The following KLHDC10 variants were observed in gnomAD, a reference collection of about 807,000 sequenced individuals.
The protein encoded by KLHDC10 is kelch domain containing 10.
KLHDC10 carries 24 observed loss-of-function variants against 56.1 expected under a neutral mutation model. The ratio of observed to expected loss-of-function variants is 0.43; its 90% confidence interval spans 0.31 to 0.60. KLHDC10 has a LOEUF of 0.60. Among genes scored for constraint, KLHDC10 ranks in the 20% least tolerant of loss-of-function variants. The pLI, the probability that KLHDC10 is intolerant of heterozygous loss-of-function variation, is 0.11. For synonymous variants in KLHDC10, 188 were observed against 207.1 expected (o/e 0.91, Z 0.79); for missense variants, 349 against 567.0 (o/e 0.62, Z 3.91).
intron 2 of KLHDC10, among the ~76,000 whole-genome samples, chr7:130,114,906 C>A (rs1398144432): frequency 1.3e-5 from 2 of 151,888 alleles, no homozygotes; most frequent in African/African-American, 4.8e-5. Context: ...GACAGTAGGA[C>A]AAGGTTAGTA....
At chr7:130,111,245 C>T (rs4236628) in intron 2 of KLHDC10, among the ~76,000 whole-genome samples, 20,433 of 151,878 alleles carry the variant, frequency 0.13, 1,571 homozygotes, top group East Asian at 0.31. Context: ...TGAAATTATT[C>T]GAAACAAATG....
chr7:130,116,567 C>T lies in KLHDC10; in HGVS notation c.376C>T (p.Pro126Ser). Residue 126 changes from proline to serine, a missense_variant, in exon 3 of 10, where the codon CCT (proline) becomes TCT (serine). Physicochemically the swap from Pro to Ser is moderately conservative, Grantham distance 74 (BLOSUM62 -1). Transcript: ENST00000335420. The surrounding 1 kb of genome is among the most constrained non-coding windows in gnomAD (Gnocchi z 4.8). ...GGGAGGGCCTGATAATGAAGACTAT[C>T]CTCTCTTCAGGGAACTCTGGAGGTA... ...ESGGPDNEDY[P>S]LFRELWRYHF... 2 of 1,613,756 alleles carry T rather than the reference C, an allele frequency of 1.2e-6. No individual in the cohort carries two copies. The highest frequency in any genetic ancestry group is 1.7e-6 in the Non-Finnish European group (2 of 1,179,688).
rs140733772 is a variant in KLHDC10, at chr7:130,085,088, G to A, written c.167-11833G>A. ...TAGCCAGGTGCGGTGGCTCATGCCT[G>A]TAATCCCAGCACTTTGGGAGGCCGA... On this transcript the variant is annotated intron_variant, in intron 1 of 9. Transcript: ENST00000335420. Among the ~76,000 whole-genome samples, 964 of 152,218 alleles carry A rather than the reference G, an allele frequency of 6.3e-3. 6 individuals carry two copies. Among genetic ancestry groups the A allele is most frequent in the Middle Eastern group, 0.024 (7 of 294 alleles).
intron 1 of KLHDC10, among the ~76,000 whole-genome samples, chr7:130,090,728 C>T (rs1795759663): frequency 6.6e-6 from 1 of 151,804 alleles, no homozygotes; most frequent in Non-Finnish European, 1.5e-5. Context: ...TGATACAATC[C>T]AGTGACCTTA....
At chr7:130,121,961 T>C in intron 4 of KLHDC10, 93 bp from the exon 5 acceptor site, 1 of 1,087,740 alleles carries the variant, frequency 9.2e-7, no homozygotes, top group Non-Finnish European at 1.3e-6. Context: ...ACAAGAGAAT[T>C]TCATAAAACC....
chr7:130,122,076 C>G lies in KLHDC10; in HGVS notation c.653C>G (p.Ser218Cys), dbSNP rs1441216419. Reference protein sequence around the residue: ...YGQAMAIINGSLYVFGGTTGY... With the variant: ...YGQAMAIINGCLYVFGGTTGY... The stretch of plus-strand genomic sequence containing the variant: ...CAGGCTATGGCCATCATCAATGGCT[C>G]CCTTTATGTCTTTGGAGGTACAACC... The change falls in exon 5 of 10, where the codon TCC becomes TGC. Residue 218 changes from serine to cysteine, a missense_variant. Around this residue, in one of 2 missense-constraint regions of KLHDC10, gnomAD observed 245 missense variants for 470.1 expected, o/e 0.52. Coordinates refer to ENST00000335420, the MANE Select transcript of KLHDC10 (RefSeq NM_014997.4). 7.4e-6 allele frequency: 12 copies of G among 1,613,496 alleles called. No homozygotes were observed. Among genetic ancestry groups the G allele is most frequent in the Non-Finnish European group, 1.0e-5 (12 of 1,179,808 alleles).
chr7:130,106,047 A>G (rs1796003112), intron 2 of KLHDC10, among the ~76,000 whole-genome samples: 1 of 151,944 alleles, frequency 6.6e-6, no homozygotes, highest in Non-Finnish European at 1.5e-5. Flanking sequence ...TACTCGGGAG[A>G]CTGAGACAGG....
chr7:130,088,627 C>G (rs1486619196), intron 1 of KLHDC10, among the ~76,000 whole-genome samples: 3 of 149,210 alleles, frequency 2.0e-5, no homozygotes, highest in Non-Finnish European at 3.0e-5. Context: ...TTTTGTTTTT[C>G]TTTTTCTTTC....
intron 2 of KLHDC10, among the ~76,000 whole-genome samples, chr7:130,112,412 A>G (rs542008560): frequency 6.6e-6 from 1 of 152,326 alleles, no homozygotes; most frequent in Non-Finnish European, 1.5e-5. Flanking sequence ...CTGTGAATAC[A>G]GGTTCTGTTT....
At position 130,127,432 on chromosome 7, in the gene KLHDC10, T is replaced by C. The variant is rs1461152285; in HGVS notation, c.960T>C (p.Ser320=). 1.2e-6 allele frequency: 2 copies of C among 1,612,864 alleles called. No homozygotes were observed. The highest frequency in any genetic ancestry group is 2.7e-5 in the African/African-American group (2 of 74,932). ...IGFPAARRCH[S]CVQIKNDVFI... is the part of the protein sequence containing the mutation. ...TTCCTGCAGCCCGAAGGTGTCACAG[T>C]TGTGTTCAAATAAAAAATGGTAAGG... Residue 320 remains serine, a synonymous_variant, in exon 8 of 10, where the codon AGT becomes AGC. Coordinates refer to ENST00000335420, the MANE Select transcript of KLHDC10 (RefSeq NM_014997.4).
intron 2 of KLHDC10, among the ~76,000 whole-genome samples, chr7:130,102,781 G>A (rs1210026797): frequency 6.6e-6 from 1 of 151,996 alleles, no homozygotes; most frequent in Non-Finnish European, 1.5e-5. Context: ...AGATGAGATC[G>A]CGCCATTGCA....
rs1273794749 is a variant in KLHDC10 at position 130,130,055 on chromosome 7, G to C, written c.1119+479G>C. ...ATATAGGCCGGGCGCGGTGGCTCAG[G>C]CCTGTAATCCCAGCACTTTGGGAGG... On this transcript the variant is annotated intron_variant, in intron 9 of 9. Coordinates refer to ENST00000335420, the MANE Select transcript of KLHDC10 (RefSeq NM_014997.4). The surrounding 1 kb of genome is among the most constrained non-coding windows in gnomAD (Gnocchi z 4.2). Among the ~76,000 whole-genome samples the C allele has an allele frequency of 6.6e-6, 1 of 152,004 alleles. No homozygotes were observed. The highest frequency in any genetic ancestry group is 1.9e-4 in the East Asian group (1 of 5,188).
intron 2 of KLHDC10, among the ~76,000 whole-genome samples, chr7:130,112,334 G>T (rs952940747): frequency 3.3e-5 from 5 of 152,178 alleles, no homozygotes; most frequent in Admixed American, 2.0e-4. Context: ...TGGAAGAGAG[G>T]ATGGGTCCCA....
intron 1 of KLHDC10, among the ~76,000 whole-genome samples, chr7:130,088,562 C>T (rs1203404231): frequency 6.6e-6 from 1 of 151,884 alleles, no homozygotes; most frequent in Non-Finnish European, 1.5e-5. Flanking sequence ...AGGCCTGAGC[C>T]ACCAGTCCCG....
At position 130,079,066 on chromosome 7, in the gene KLHDC10, G is replaced by GT. The variant is rs537032188; in HGVS notation, c.166+8266dup. 7.2e-3 allele frequency among the ~76,000 whole-genome samples: 1,082 copies of GT among 149,788 alleles called. 7 individuals are homozygous for GT. The highest frequency in any genetic ancestry group is 0.024 in the Middle Eastern group (7 of 290). ...TTGTTTTGTTTTGTTTTTGTTTTTT[G>GT]TTTTTTTTTGAGGCAGAGTCTCACT... On this transcript the variant is annotated intron_variant, in intron 1 of 9. Coordinates refer to ENST00000335420, the MANE Select transcript of KLHDC10 (RefSeq NM_014997.4).
chr7:130,101,543 A>G (rs1038324021), intron 2 of KLHDC10, among the ~76,000 whole-genome samples: 1 of 151,988 alleles, frequency 6.6e-6, no homozygotes, highest in African/African-American at 2.4e-5. Flanking sequence ...TACTTCCCCT[A>G]CTCCTTCTCT....
At chr7:130,128,460 A>G (rs1415959598) in intron 8 of KLHDC10, among the ~76,000 whole-genome samples, 1 of 152,160 alleles carries the variant, frequency 6.6e-6, no homozygotes, top group Non-Finnish European at 1.5e-5. Flanking sequence ...TTTTACCAGA[A>G]AACCCACACC....
chr7:130,094,255 C>T (rs1279810410), intron 1 of KLHDC10, among the ~76,000 whole-genome samples: 2 of 152,090 alleles, frequency 1.3e-5, no homozygotes, highest in Non-Finnish European at 2.9e-5. Context: ...GTTATTCCCT[C>T]AGTGTTACTC....
chr7:130,086,602 T>G (rs984934884), intron 1 of KLHDC10, among the ~76,000 whole-genome samples: 2 of 152,248 alleles, frequency 1.3e-5, no homozygotes, highest in African/African-American at 2.4e-5. Flanking sequence ...CAACAAAGTA[T>G]TCTTTCTGCA....
Sources: allele counts gnomAD v4.1 joint callset (sites outside exome capture counted in the v4.1 genomes callset), GRCh38; gene constraint gnomAD v4.1.1; regional missense constraint gnomAD v4.1.1; non-coding constraint Gnocchi (gnomAD v3.1); transcripts MANE v1.5; gene names NCBI Gene and HGNC (gene_info 2026-07-23, HGNC 2026-07-21).